NFIB: variants seen among roughly 807,000 people sequenced by gnomAD.
NFIB encodes the protein nuclear factor 1 B-type.
In NFIB, 11 loss-of-function variants were observed where a neutral mutation model predicts 61.5. The observed-to-expected ratio is 0.18, with a 90% CI of 0.11 to 0.30. The LOEUF (loss-of-function observed/expected upper bound fraction) is 0.30. NFIB is among the 10% of genes least tolerant of loss of function. The pLI is 1.00. For synonymous variants in NFIB, 260 were observed against 216.5 expected, an observed-to-expected ratio of 1.20 and a Z score of -1.76; for missense variants, 471 against 608.9, an observed-to-expected ratio of 0.77 and a Z score of 2.38.
At chr9:14,296,442 AAATG>A (rs2059448938) in intron 2 of NFIB, among the ~76,000 whole-genome samples, 1 of 152,260 alleles carries the variant, frequency 6.6e-6, no homozygotes, top group Admixed American at 6.5e-5. Flanking sequence ...TTTTGTTACA[AAATG>A]AATGTTTGGG....
the NFIB span, among the ~76,000 whole-genome samples, chr9:14,466,171 CA>C: frequency 1.3e-5 from 2 of 152,168 alleles, no homozygotes; most frequent in African/African-American, 2.4e-5. Flanking sequence ...AGAAAGGAAA[CA>C]CTGTCAAGGC....
At chr9:14,492,223 C>T in the NFIB span, among the ~76,000 whole-genome samples, 20,560 of 151,612 alleles carry the variant, frequency 0.14, 2,008 homozygotes, top group African/African-American at 0.26. Flanking sequence ...ATTAGCTGGG[C>T]GTGGTGGTGG....
chr9:14,427,940 T>TTTTTTTTTTTTGTTTG, the NFIB span, among the ~76,000 whole-genome samples: 2 of 74,386 alleles, frequency 2.7e-5, no homozygotes, highest in Admixed American at 1.3e-4. Flanking sequence ...TTCAGTTGTT[T>TTTTTTTTTTTTGTTTG]TTTTTTTTTT....
Position 14,398,715 on chromosome 9 carries a change from G to T in NFIB, c.-84C>A. 5.3e-6 allele frequency: 5 copies of T among 940,702 alleles called. No homozygotes were observed. In the South Asian group the frequency reaches 8.4e-5, roughly 16 times the overall value. The allele number at this position is 940,702 out of a possible 1,614,324, so 58.3% of individuals were successfully genotyped here. On this transcript the variant is annotated 5_prime_UTR_variant, in exon 1 of 9. Coordinates refer to the NFIB transcript ENST00000380934. Reference sequence around the variant, plus strand: ...TTTAGAATGTTTGCTCCAGGTCACCGAGTACCTTAGCAAACGCAGCTTCAT... The same window carrying T: ...TTTAGAATGTTTGCTCCAGGTCACCTAGTACCTTAGCAAACGCAGCTTCAT...
intron 2 of NFIB, among the ~76,000 whole-genome samples, chr9:14,266,082 C>T (rs952119935): frequency 7.2e-5 from 11 of 152,112 alleles, no homozygotes; most frequent in Admixed American, 4.6e-4. Flanking sequence ...GTTCCTCTCC[C>T]GTACTCACTC....
At chr9:14,439,876 G>A in the NFIB span, among the ~76,000 whole-genome samples, 1 of 152,206 alleles carries the variant, frequency 6.6e-6, no homozygotes, top group Non-Finnish European at 1.5e-5. Context: ...TTTTGGGTTG[G>A]CACATTGCCT....
At chr9:14,393,096 G>C (rs912490742) in intron 1 of NFIB, among the ~76,000 whole-genome samples, 4 of 152,120 alleles carry the variant, frequency 2.6e-5, no homozygotes, top group African/African-American at 9.7e-5. Context: ...GGAATGAATT[G>C]TATTATGCCT....
At chr9:14,292,272 G>A (rs2059154613) in intron 2 of NFIB, among the ~76,000 whole-genome samples, 1 of 152,142 alleles carries the variant, frequency 6.6e-6, no homozygotes, top group African/African-American at 2.4e-5. Flanking sequence ...GAGAAGATCT[G>A]TAGGGATTTT....
Position 14,088,152 on chromosome 9 carries a change from T to C in NFIB, c.*157A>G, listed in dbSNP as rs767752030. On this transcript the variant is annotated 3_prime_UTR_variant, in exon 11 of 11. Transcript: ENST00000380953. ...GTCTTCCTCTTTTCCTTTTTTTTTA[T>C]TTAAAAAAAAAATTTCTTAAACTAT... The C allele has an allele frequency of 7.0e-5, 98 of 1,407,160 alleles. 2 individuals are homozygous for C. The South Asian group carries it at 1.5e-3, about 21-fold the overall frequency. 87.2% of individuals were successfully genotyped at this position (1,407,160 alleles called of 1,614,324 possible).
At position 14,219,381 on chromosome 9, in the gene NFIB, TAAAAAAAAA is replaced by T. The variant is rs751279935; in HGVS notation, c.563-39610_563-39602del. Among the ~76,000 whole-genome samples the T allele has an allele frequency of 2.3e-4, 17 of 73,504 alleles. 1 individual carries two copies. The highest frequency in any genetic ancestry group is 7.2e-4 in the African/African-American group (13 of 17,990). The allele number at this position is 73,504 out of a possible 152,430, so 48.2% of individuals were successfully genotyped here. On this transcript the variant is annotated intron_variant, in intron 2 of 10. Transcript: ENST00000380953. Reference sequence around the variant, plus strand: ...ATAGAGTCATCTTGTAGCACTAGGGTAAAAAAAAAAAAAAAAAAAAAAAGTCTAAGTTGA... The same window carrying T: ...ATAGAGTCATCTTGTAGCACTAGGGTAAAAAAAAAAAAAAGTCTAAGTTGA...
intron 1 of NFIB, among the ~76,000 whole-genome samples, chr9:14,366,015 T>C (rs2061295919): frequency 1.3e-5 from 2 of 152,108 alleles, no homozygotes; most frequent in Admixed American, 1.3e-4. Flanking sequence ...CAAGTAGATG[T>C]AAAACCTAGA....
chr9:14,410,041 G>A, the NFIB span, among the ~76,000 whole-genome samples: 1 of 151,930 alleles, frequency 6.6e-6, no homozygotes, highest in Non-Finnish European at 1.5e-5. Flanking sequence ...TCTTTTATGT[G>A]CTCTAGGGAT....
Position 14,085,384 on chromosome 9 carries a change from C to A in NFIB, c.*2925G>T, listed in dbSNP as rs530196811. The A allele has an allele frequency of 8.9e-6, 2 of 223,540 alleles. No individual in the cohort carries two copies. Among genetic ancestry groups the A allele is most frequent in the East Asian group, 1.3e-4 (2 of 15,444 alleles). The allele number at this position is 223,540 out of a possible 1,614,324, so 13.8% of individuals were successfully genotyped here. On this transcript the variant is annotated 3_prime_UTR_variant, in exon 11 of 11. Coordinates refer to ENST00000380953, the MANE Select transcript of NFIB (RefSeq NM_001190737.2). ...AATGAATACACTCAATGGGACTGGG[C>A]GGTGAGGGAAAGGCAAAATAAAACC...
intron 2 of NFIB, among the ~76,000 whole-genome samples, chr9:14,183,414 T>G (rs1478216843): frequency 1.3e-5 from 2 of 151,960 alleles, no homozygotes; most frequent in Non-Finnish European, 2.9e-5. Context: ...AATTTTTTTT[T>G]TTTTTTTGAG....
intron 10 of NFIB, 133 bp downstream of exon 10, chr9:14,112,864 TGG>T (rs1248032415): frequency 3.6e-5 from 25 of 695,626 alleles, no homozygotes. Flanking sequence ...GAAAAAATTC[TGG>T]GAAATGAAAT....
At chr9:14,254,386 C>T (rs1433864760) in intron 2 of NFIB, among the ~76,000 whole-genome samples, 2 of 152,270 alleles carry the variant, frequency 1.3e-5, no homozygotes, top group East Asian at 3.9e-4. Flanking sequence ...ATGAGCTCCT[C>T]CACTGCATCT....
At chr9:14,222,933 C>T (rs1446443767) in intron 2 of NFIB, among the ~76,000 whole-genome samples, 1 of 151,966 alleles carries the variant, frequency 6.6e-6, no homozygotes, top group African/African-American at 2.4e-5. Flanking sequence ...AAGACATTAC[C>T]TGGAATTCTA....
intron 2 of NFIB, among the ~76,000 whole-genome samples, chr9:14,263,872 C>G (rs970474943): frequency 6.6e-6 from 1 of 152,218 alleles, no homozygotes; most frequent in African/African-American, 2.4e-5. Flanking sequence ...TTATCCTCCT[C>G]GTACAAACTA....
At chr9:14,106,154 A>G (rs1016340405) in intron 10 of NFIB, among the ~76,000 whole-genome samples, 14 of 152,132 alleles carry the variant, frequency 9.2e-5, no homozygotes, top group Non-Finnish European at 1.8e-4. Context: ...TTAAAATACC[A>G]AGTGCCACTC....
Sources: allele counts gnomAD v4.1 joint callset (sites outside exome capture counted in the v4.1 genomes callset), GRCh38; gene constraint gnomAD v4.1.1; transcripts MANE v1.5; gene names NCBI Gene and HGNC (gene_info 2026-07-23, HGNC 2026-07-21).